The following MTAP variants were observed in gnomAD, a reference collection of about 807,000 sequenced individuals.
MTAP encodes S-methyl-5'-thioadenosine phosphorylase.
A neutral mutation model predicts 33.6 loss-of-function variants in MTAP; 33 were observed. That is an observed-to-expected ratio of 0.98 (90% CI 0.74 to 1.31). The LOEUF (loss-of-function observed/expected upper bound fraction) is 1.31, where lower values mean the gene tolerates loss of function less well. MTAP is among the 40% of genes most tolerant of loss of function. The probability of loss-of-function intolerance (pLI) is 0.00; values close to 1 mark genes in which losing one functional copy is unlikely to be tolerated. For missense variants in MTAP, 367 were observed against 360.0 expected, an observed-to-expected ratio of 1.02 and a Z score of -0.16; for synonymous variants, 148 against 125.7, an observed-to-expected ratio of 1.18 and a Z score of -1.19.
At chr9:21,843,499 CACAAA>C in intron 5 of MTAP, among the ~76,000 whole-genome samples, 1 of 152,176 alleles carries the variant, frequency 6.6e-6, no homozygotes, top group East Asian at 1.9e-4. Context: ...GAACATATGC[CACAAA>C]ACAAGTCTCA....
rs1296578788 is a variant in MTAP at position 21,916,122 on chromosome 9, G to GGAAGGAAGGAAGGAAGGAAGGAA, written c.148-14885_148-14884insAAGGAAGGAAGGAAGGAAGGAAG. The stretch of plus-strand genomic sequence containing the variant: ...AAGGAAGGAAGGAAGGAAGGAAGGA[G>GGAAGGAAGGAAGGAAGGAAGGAA]GGAGGGAAGGAAGGAAAATAACCTA... On this transcript the variant is annotated intron_variant, in intron 1 of 1. Transcript: ENST00000577563. Among the ~76,000 whole-genome samples the GGAAGGAAGGAAGGAAGGAAGGAA allele has an allele frequency of 4.8e-3, 588 of 122,862 alleles. 10 individuals carry two copies. Among genetic ancestry groups the GGAAGGAAGGAAGGAAGGAAGGAA allele is most frequent in the East Asian group, 0.018 (75 of 4,152 alleles). The allele number at this position is 122,862 out of a possible 152,430, so 80.6% of individuals were successfully genotyped here.
chr9:21,839,895 A>G (rs1825200422), intron 5 of MTAP, among the ~76,000 whole-genome samples: 1 of 152,228 alleles, frequency 6.6e-6, no homozygotes, highest in Non-Finnish European at 1.5e-5. Context: ...AAAGTTAACA[A>G]AAAAAGCTGG....
At chr9:21,916,755 C>T (rs536757133) in intron 1 of MTAP, among the ~76,000 whole-genome samples, 1 of 152,228 alleles carries the variant, frequency 6.6e-6, no homozygotes, top group South Asian at 2.1e-4. Context: ...AAAGAAGAAC[C>T]TACATCGCTC....
At chr9:21,911,745 C>T (rs990489634) in intron 1 of MTAP, among the ~76,000 whole-genome samples, 48 of 152,000 alleles carry the variant, frequency 3.2e-4, no homozygotes, top group African/African-American at 1.1e-3. Context: ...CAAACACATT[C>T]AAAAGCTAGC....
chr9:21,858,114 G>A (rs1825677485), intron 6 of MTAP, among the ~76,000 whole-genome samples: 1 of 152,010 alleles, frequency 6.6e-6, no homozygotes, highest in African/African-American at 2.4e-5. Context: ...TAAAAATGGT[G>A]GTATTTTAAT....
chr9:21,930,043 C>G (rs758888548), intron 1 of MTAP: 2 of 417,504 alleles, frequency 4.8e-6, no homozygotes, highest in Non-Finnish European at 9.4e-6. Flanking sequence ...GCCAGCAATG[C>G]CCAAGCTCAT....
At chr9:21,925,113 A>T (rs1224211349) in intron 1 of MTAP, among the ~76,000 whole-genome samples, 1 of 152,232 alleles carries the variant, frequency 6.6e-6, no homozygotes, top group Admixed American at 6.5e-5. Context: ...ATGGGGGCAT[A>T]TGGGCAAAGA....
At chr9:21,824,876 C>T (rs2118154993) in intron 4 of MTAP, among the ~76,000 whole-genome samples, 1 of 151,968 alleles carries the variant, frequency 6.6e-6, no homozygotes, top group East Asian at 1.9e-4. Flanking sequence ...AAGCGAGGCT[C>T]TGTGGGCGTG....
chr9:21,810,085 C>A (rs572417495), intron 1 of MTAP, among the ~76,000 whole-genome samples: 1 of 152,188 alleles, frequency 6.6e-6, no homozygotes, highest in South Asian at 2.1e-4. Flanking sequence ...TGTATTAGTT[C>A]GCTAGGCCTG....
chr9:21,906,870 T>A (rs1455303407), intron 1 of MTAP, among the ~76,000 whole-genome samples: 2 of 152,194 alleles, frequency 1.3e-5, no homozygotes, highest in African/African-American at 4.8e-5. Flanking sequence ...ATTTTAAAAA[T>A]AAATGCTTTT....
intron 4 of MTAP, among the ~76,000 whole-genome samples, chr9:21,823,369 T>C (rs1824698290): frequency 6.6e-6 from 1 of 152,234 alleles, no homozygotes; most frequent in African/African-American, 2.4e-5. Context: ...CCTTCTCTTA[T>C]GAAGCTTAGT....
chr9:21,838,057 T>C (rs1018037735), intron 5 of MTAP, 47 bp downstream of exon 5: 1 of 1,526,880 alleles, frequency 6.5e-7, no homozygotes, highest in African/African-American at 1.4e-5. Context: ...CATGTGGGCT[T>C]GGGGTGGCAT....
chr9:21,886,514 G>A (rs192886367), intron 1 of MTAP, among the ~76,000 whole-genome samples: 1 of 152,162 alleles, frequency 6.6e-6, no homozygotes, highest in East Asian at 1.9e-4. Context: ...TCTTCGTCAT[G>A]AACTTTTTAC....
rs1418053156 is a variant in MTAP, at chr9:21,854,713, G to A, written c.533G>A (p.Ser178Asn). ...GTCACAATCGAGGGACCTCGTTTTA[G>A]CTCCCGGGCAGAAAGCTTCATGTTC... Reference protein sequence around the residue: ...TMVTIEGPRFSSRAESFMFRT... With the variant: ...TMVTIEGPRFNSRAESFMFRT... The change falls in exon 6 of 8, where the codon AGC becomes AAC. Residue 178 changes from serine (S) to asparagine (N), a missense_variant. Coordinates refer to ENST00000644715, the MANE Select transcript of MTAP (RefSeq NM_002451.4). 3.1e-6 allele frequency: 5 copies of A among 1,614,114 alleles called. No individual in the cohort carries two copies. Among genetic ancestry groups the A allele is most frequent in the Non-Finnish European group, 4.2e-6 (5 of 1,179,972 alleles).
intron 4 of MTAP, among the ~76,000 whole-genome samples, chr9:21,835,809 T>A (rs117825815): frequency 2.7e-3 from 411 of 152,298 alleles, no homozygotes; most frequent in Non-Finnish European, 4.2e-3. Context: ...GCTGTGCAGG[T>A]GTATTGCTGT....
intron 1 of MTAP, among the ~76,000 whole-genome samples, chr9:21,917,534 C>T (rs1375208948): frequency 2.0e-5 from 3 of 152,114 alleles, no homozygotes; most frequent in African/African-American, 7.2e-5. Context: ...AATTAAACCA[C>T]AAAGAGTTAC....
chr9:21,895,305 G>C (rs1818272235), intron 1 of MTAP, among the ~76,000 whole-genome samples: 1 of 152,196 alleles, frequency 6.6e-6, no homozygotes. Context: ...AACCAAAATA[G>C]CATGGTACTT....
At chr9:21,925,490 C>A (rs1818854358) in intron 1 of MTAP, among the ~76,000 whole-genome samples, 1 of 152,220 alleles carries the variant, frequency 6.6e-6, no homozygotes, top group African/African-American at 2.4e-5. Flanking sequence ...GGAAAAGCAG[C>A]AGCTCCAACT....
At chr9:21,812,267 C>G in intron 1 of MTAP, 1 of 231,360 alleles carries the variant, frequency 4.3e-6, no homozygotes, top group East Asian at 1.1e-4. Flanking sequence ...CTGCAGACAC[C>G]AGGTGGTTCA....
Sources: gnomAD v4.1 joint callset for allele counts (sites outside exome capture counted in the v4.1 genomes callset) on GRCh38, gnomAD v4.1.1 for gene constraint, MANE v1.5 for transcripts, NCBI Gene and HGNC (gene_info 2026-07-23, HGNC 2026-07-21) for gene names.